Variants in KDM4B observed in about 807,000 individuals in gnomAD.
KDM4B encodes the protein lysine demethylase 4B.
A neutral mutation model predicts 125.2 loss-of-function variants in KDM4B; 32 were observed. The ratio of observed to expected loss-of-function variants is 0.26; its 90% CI spans 0.19 to 0.34. The LOEUF is 0.34. Among genes scored for constraint, KDM4B ranks in the 10% least tolerant of loss-of-function variants. KDM4B has a pLI of 1.00. For missense variants in KDM4B, 1,190 were observed against 1,577.7 expected (o/e 0.75, Z 4.16); for synonymous variants, 721 against 677.9 (o/e 1.06, Z -0.99).
At chr19:4,983,820 A>C (rs2034734548) in intron 1 of KDM4B, among the ~76,000 whole-genome samples, 1 of 152,188 alleles carries the variant, frequency 6.6e-6, no homozygotes, top group East Asian at 1.9e-4. Flanking sequence ...GAGGATTCGC[A>C]GCAGGGAGGA....
At chr19:5,046,033 T>A (rs1255333365) in intron 5 of KDM4B, among the ~76,000 whole-genome samples, 1 of 152,258 alleles carries the variant, frequency 6.6e-6, no homozygotes, top group East Asian at 1.9e-4. Flanking sequence ...CTTGTCTTTC[T>A]CTTACGGATC....
intron 18 of KDM4B, 131 bp downstream of exon 18, chr19:5,138,201 T>C: frequency 1.5e-6 from 1 of 663,816 alleles, no homozygotes; most frequent in Non-Finnish European, 2.6e-6. Context: ...GGTGGGCAGC[T>C]TTCAGGAAGC....
chr19:5,034,747 T>C (rs2036564826), intron 3 of KDM4B, among the ~76,000 whole-genome samples: 1 of 152,302 alleles, frequency 6.6e-6, no homozygotes, highest in African/African-American at 2.4e-5. Flanking sequence ...AGACTCGCAT[T>C]GTTATTTCTT....
intron 2 of KDM4B, among the ~76,000 whole-genome samples, chr19:5,025,675 G>T (rs972785296): frequency 6.6e-6 from 1 of 152,144 alleles, no homozygotes; most frequent in Admixed American, 6.5e-5. Flanking sequence ...CTGCCATCCG[G>T]CCTCTGGGGC....
chr19:5,048,207 A>G (rs1334350903), intron 6 of KDM4B, among the ~76,000 whole-genome samples: 1 of 152,212 alleles, frequency 6.6e-6, no homozygotes, highest in African/African-American at 2.4e-5. Flanking sequence ...TGCCGGGTGC[A>G]GCGTGGGCGC....
chr19:5,140,044 G>C (rs2039714283), intron 18 of KDM4B, among the ~76,000 whole-genome samples: 1 of 152,224 alleles, frequency 6.6e-6, no homozygotes, highest in African/African-American at 2.4e-5. Flanking sequence ...TCTGTGCTGT[G>C]GGGTTGCCAC....
intron 7 of KDM4B, among the ~76,000 whole-genome samples, chr19:5,072,201 CTT>C (rs2037971321): frequency 6.6e-6 from 1 of 152,192 alleles, no homozygotes; most frequent in South Asian, 2.1e-4. Flanking sequence ...TTCCCATGGG[CTT>C]TTGGCTTTGG....
At chr19:5,129,198 G>A (rs1382008202) in intron 11 of KDM4B, among the ~76,000 whole-genome samples, 1 of 152,198 alleles carries the variant, frequency 6.6e-6, no homozygotes, top group African/African-American at 2.4e-5. Context: ...GAGCAGGGAG[G>A]GCAGGGCCGC....
At chr19:5,039,030 T>G (rs1238124811) in intron 3 of KDM4B, among the ~76,000 whole-genome samples, 2 of 152,268 alleles carry the variant, frequency 1.3e-5, no homozygotes, top group Non-Finnish European at 2.9e-5. Flanking sequence ...ACCCCTGTTC[T>G]CCAGGTGCAT....
chr19:4,988,156 A>G (rs1034534236), intron 1 of KDM4B, among the ~76,000 whole-genome samples: 2 of 152,240 alleles, frequency 1.3e-5, no homozygotes, highest in African/African-American at 4.8e-5. Flanking sequence ...TGCATCGGGC[A>G]GGACAGGCTG....
chr19:5,092,522 G>A (rs2038730792), intron 9 of KDM4B, among the ~76,000 whole-genome samples: 3 of 152,220 alleles, frequency 2.0e-5, no homozygotes, highest in Admixed American at 1.3e-4. Flanking sequence ...GAGGAGGGTC[G>A]GGGGCTTTTC....
intron 1 of KDM4B, among the ~76,000 whole-genome samples, chr19:5,000,972 A>G (rs1399505264): frequency 6.6e-6 from 1 of 151,716 alleles, no homozygotes; most frequent in Non-Finnish European, 1.5e-5. Context: ...GAATCTCGTT[A>G]GTCTCTGGCT....
intron 15 of KDM4B, 81 bp downstream of exon 15, chr19:5,135,642 C>A: frequency 8.0e-7 from 1 of 1,248,990 alleles, no homozygotes; most frequent in Non-Finnish European, 1.1e-6. Context: ...CTCCATCCTC[C>A]CCTGCGGAGG....
At chr19:5,083,447 G>A (rs530961306) in intron 9 of KDM4B, among the ~76,000 whole-genome samples, 1 of 152,342 alleles carries the variant, frequency 6.6e-6, no homozygotes, top group Non-Finnish European at 1.5e-5. Context: ...CAGCTAGGAG[G>A]CCGTCTGGGC....
At chr19:5,032,509 G>A (rs947711350) in intron 2 of KDM4B, among the ~76,000 whole-genome samples, 10 of 152,366 alleles carry the variant, frequency 6.6e-5, no homozygotes, top group African/African-American at 1.9e-4. Flanking sequence ...CAGGCTCAGA[G>A]CAGAGAGACT....
At chr19:5,042,860 G>C (rs187140161) in intron 5 of KDM4B, among the ~76,000 whole-genome samples, 3 of 151,640 alleles carry the variant, frequency 2.0e-5, no homozygotes, top group Admixed American at 1.3e-4. Flanking sequence ...ACAGACTCAA[G>C]TCTAAACACA....
At chr19:5,108,498 G>A (rs1552044) in intron 9 of KDM4B, among the ~76,000 whole-genome samples, 1 of 152,104 alleles carries the variant, frequency 6.6e-6, no homozygotes, top group South Asian at 2.1e-4. Flanking sequence ...GGGGAGGCAC[G>A]AGCTGCAGGA....
At chr19:5,011,756 C>T (rs2035734375) in intron 1 of KDM4B, among the ~76,000 whole-genome samples, 1 of 152,234 alleles carries the variant, frequency 6.6e-6, no homozygotes, top group African/African-American at 2.4e-5. Context: ...TTTCGGAACC[C>T]ACCCGAGGGT....
Position 5,110,750 on chromosome 19 carries a change from G to T in KDM4B, c.1047G>T (p.Ala349=). ...TGCTGGACCACACGCGGCCCACGGCGCTCACCAGCCCCGAGCTGAGCTCCT... is the reference window on the plus strand; with the variant it reads ...TGCTGGACCACACGCGGCCCACGGCTCTCACCAGCCCCGAGCTGAGCTCCT... ...LTVLDHTRPT[A]LTSPELSSWS... Residue 349 remains alanine (A), a synonymous_variant, in exon 10 of 23, where the codon GCG becomes GCT. Coordinates refer to ENST00000159111, the MANE Select transcript of KDM4B (RefSeq NM_015015.3). 6.2e-7 allele frequency: 1 copy of T among 1,610,868 alleles called. No homozygotes were observed.
Sources: allele counts gnomAD v4.1 joint callset (sites outside exome capture counted in the v4.1 genomes callset), GRCh38; gene constraint gnomAD v4.1.1; transcripts MANE v1.5; gene names NCBI Gene and HGNC (gene_info 2026-07-23, HGNC 2026-07-21).